ZFHX3: variants seen among roughly 807,000 people sequenced by gnomAD.
The protein encoded by ZFHX3 is zinc finger homeobox 3.
In ZFHX3, 42 loss-of-function variants were observed where a neutral mutation model predicts 279.1. The observed-to-expected ratio is 0.15, with a 90% CI of 0.12 to 0.19. The LOEUF (loss-of-function observed/expected upper bound fraction) is 0.19, where lower values mean the gene tolerates loss of function less well. ZFHX3 is among the 10% of genes least tolerant of loss of function. The pLI, the probability that ZFHX3 is intolerant of heterozygous loss-of-function variation, is 1.00. For synonymous variants in ZFHX3, 2,293 were observed against 1,957.8 expected (o/e 1.17, Z -4.52); for missense variants, 4,981 against 4,754.0 (o/e 1.05, Z -1.40).
chr16:73,881,564 G>T (rs1217941399), intron 1 of ZFHX3, among the ~76,000 whole-genome samples: 1 of 141,256 alleles, frequency 7.1e-6, no homozygotes, highest in Non-Finnish European at 1.5e-5. Flanking sequence ...TAGCTTCACT[G>T]TTCCATTTTT....
At chr16:73,418,557 G>A (rs1042919145) in intron 3 of ZFHX3, among the ~76,000 whole-genome samples, 5 of 152,238 alleles carry the variant, frequency 3.3e-5, no homozygotes, top group African/African-American at 1.2e-4. Context: ...TGCAGAGTAT[G>A]TGTGAGAAAA....
chr16:72,796,654 A>G lies in ZFHX3; in HGVS notation c.6028T>C (p.Phe2010Leu). 1 of 1,614,098 alleles carries G rather than the reference A, an allele frequency of 6.2e-7. No homozygotes were observed. Among genetic ancestry groups the G allele is most frequent in the Non-Finnish European group, 8.5e-7 (1 of 1,180,020 alleles). Residue 2010 changes from phenylalanine to leucine, a missense_variant, in exon 9 of 10, where the codon TTT becomes CTT. By Grantham distance (22) the Phe-to-Leu change is conservative (BLOSUM62 0). This residue lies in a region of ZFHX3 where 1,751 missense variants were observed against 1,770.0 expected (regional missense o/e 0.99). Transcript: ENST00000268489. ...SHQEHVHQNYFPFKQLERFAK... is the reference protein window; with the variant it reads ...SHQEHVHQNYLPFKQLERFAK... ...AACCTCTCGAGCTGTTTGAAAGGAA[A>G]GTAATTCTGATGAACGTGCTCTTGA...
chr16:72,976,986 G>T (rs1406725405), intron 1 of ZFHX3, among the ~76,000 whole-genome samples: 3 of 152,176 alleles, frequency 2.0e-5, no homozygotes, highest in Non-Finnish European at 4.4e-5. Context: ...ACCATTTCCT[G>T]ACAGCCCAAC....
At chr16:72,816,000 G>A (rs746866820) in intron 5 of ZFHX3, among the ~76,000 whole-genome samples, 1 of 152,126 alleles carries the variant, frequency 6.6e-6, no homozygotes, top group Non-Finnish European at 1.5e-5. Flanking sequence ...AAGCAATATG[G>A]AAAAATCATT....
intron 1 of ZFHX3, among the ~76,000 whole-genome samples, chr16:73,706,563 A>G (rs4888636): frequency 0.91 from 137,894 of 152,144 alleles, 62,831 homozygotes; most frequent in Non-Finnish European, 0.95. Flanking sequence ...GAAACCTTGA[A>G]ATAATATTCA....
chr16:73,783,081 C>G (rs1959526897), intron 1 of ZFHX3, among the ~76,000 whole-genome samples: 1 of 152,138 alleles, frequency 6.6e-6, no homozygotes, highest in African/African-American at 2.4e-5. Flanking sequence ...GTGAGCAGCC[C>G]ACTCCCAGCT....
chr16:73,415,311 T>C (rs1326374797), intron 3 of ZFHX3, among the ~76,000 whole-genome samples: 1 of 152,212 alleles, frequency 6.6e-6, no homozygotes, highest in African/African-American at 2.4e-5. Flanking sequence ...TCTGCATGTT[T>C]TGTGAGCTTT....
chr16:73,436,888 C>G (rs1597335263), intron 3 of ZFHX3, among the ~76,000 whole-genome samples: 1 of 152,086 alleles, frequency 6.6e-6, no homozygotes, highest in Admixed American at 6.5e-5. Flanking sequence ...CCAAGACCCT[C>G]CAGTGACACA....
intron 2 of ZFHX3, among the ~76,000 whole-genome samples, chr16:73,561,216 A>G (rs2143789318): frequency 6.6e-6 from 1 of 152,302 alleles, no homozygotes; most frequent in East Asian, 1.9e-4. Context: ...GAAATTCTAG[A>G]ATTTTCCACT....
At chr16:72,930,187 C>T (rs978450279) in intron 3 of ZFHX3, among the ~76,000 whole-genome samples, 1 of 152,092 alleles carries the variant, frequency 6.6e-6, no homozygotes, top group African/African-American at 2.4e-5. Flanking sequence ...CACTGTACTC[C>T]AGCTTGTGTG....
At chr16:72,806,363 G>T (rs1412679530) in intron 7 of ZFHX3, among the ~76,000 whole-genome samples, 1 of 152,222 alleles carries the variant, frequency 6.6e-6, no homozygotes, top group Non-Finnish European at 1.5e-5. Flanking sequence ...TTATACACGT[G>T]TGCGCAGAGA....
At chr16:73,051,108 G>A (rs1389135050), upstream of ZFHX3, among the ~76,000 whole-genome samples, 2 of 152,040 alleles carry the variant, frequency 1.3e-5, no homozygotes, top group East Asian at 1.9e-4. Flanking sequence ...GACTTCCAGC[G>A]TAACCTGGGC....
chr16:73,051,891 G>C (rs940339031), upstream of ZFHX3, among the ~76,000 whole-genome samples: 2 of 152,090 alleles, frequency 1.3e-5, no homozygotes, highest in African/African-American at 4.8e-5. Context: ...TTAAACACAG[G>C]GGGATTCTTA....
intron 1 of ZFHX3, among the ~76,000 whole-genome samples, chr16:72,979,320 T>C (rs1180369143): frequency 1.3e-5 from 2 of 152,200 alleles, no homozygotes; most frequent in African/African-American, 2.4e-5. Flanking sequence ...CTGCCAAATA[T>C]TGCTTTGCTT....
At chr16:73,372,352 T>G (rs2016645767) in intron 3 of ZFHX3, among the ~76,000 whole-genome samples, 1 of 152,238 alleles carries the variant, frequency 6.6e-6, no homozygotes, top group South Asian at 2.1e-4. Context: ...ATCTGCGCTC[T>G]GCTTATTATA....
At chr16:73,225,050 C>T (rs1221902383) in intron 5 of ZFHX3, among the ~76,000 whole-genome samples, 2 of 152,018 alleles carry the variant, frequency 1.3e-5, no homozygotes, top group Non-Finnish European at 2.9e-5. Context: ...TAGCCTCATC[C>T]TAAGAGATAA....
Position 72,796,542 on chromosome 16 carries a change from G to A in ZFHX3, c.6140C>T (p.Pro2047Leu). The change falls in exon 9 of 10, where the codon CCT (proline) becomes CTT (leucine). Residue 2047 changes from proline to leucine, a missense_variant. Physicochemically the swap from Pro to Leu is moderately conservative, Grantham distance 98. Transcript: ENST00000268489. ...PEPPPPPPPP[P>L]PPPLPAAPPQ... ...CGGCGCTGCCGGAAGTGGGGGTGGA[G>A]GGGGTGGAGGGGGAGGTGGTGGTGG... 2 of 1,607,966 alleles carry A rather than the reference G, an allele frequency of 1.2e-6. No homozygotes were observed. The highest frequency in any genetic ancestry group is 2.2e-5 in the South Asian group (2 of 90,908).
chr16:73,806,374 C>A (rs918995463), intron 1 of ZFHX3, among the ~76,000 whole-genome samples: 12 of 152,128 alleles, frequency 7.9e-5, no homozygotes, highest in African/African-American at 2.9e-4. Context: ...CCGGTGTGAC[C>A]ACAGCACAGT....
intron 1 of ZFHX3, among the ~76,000 whole-genome samples, chr16:73,775,093 A>C (rs1393878601): frequency 6.6e-6 from 1 of 152,208 alleles, no homozygotes; most frequent in African/African-American, 2.4e-5. Context: ...GGGACAAACA[A>C]GATTCAAAAC....
Sources: gnomAD v4.1 joint callset for allele counts (sites outside exome capture counted in the v4.1 genomes callset) on GRCh38, gnomAD v4.1.1 for gene constraint, gnomAD v4.1.1 regional missense constraint, MANE v1.5 for transcripts, NCBI Gene and HGNC (gene_info 2026-07-23, HGNC 2026-07-21) for gene names.